The following MFSD11 variants were observed in gnomAD, a reference collection of about 807,000 sequenced individuals.
MFSD11 encodes UNC93-like protein MFSD11.
Under a neutral mutation model 53.5 loss-of-function variants are expected in MFSD11, and 36 were observed. The ratio of observed to expected loss-of-function variants is 0.67; its 90% CI spans 0.52 to 0.89. The LOEUF is 0.89. Ranked by LOEUF, MFSD11 falls within the 40% of genes least tolerant of loss-of-function variation. The pLI, the probability that MFSD11 is intolerant of heterozygous loss-of-function variation, is 0.00. For synonymous variants in MFSD11, 186 were observed against 184.9 expected, an observed-to-expected ratio of 1.01 and a Z score of -0.05; for missense variants, 530 against 543.9, an observed-to-expected ratio of 0.97 and a Z score of 0.25.
At chr17:76,747,019 C>T (rs1430110367) in intron 7 of MFSD11, among the ~76,000 whole-genome samples, 4 of 151,780 alleles carry the variant, frequency 2.6e-5, no homozygotes, top group Non-Finnish European at 4.4e-5. Context: ...AGAGATTCCT[C>T]CTGCCTCAGC....
intron 8 of MFSD11, among the ~76,000 whole-genome samples, chr17:76,755,780 G>GTATACATATATATATATA: frequency 1.5e-5 from 1 of 67,814 alleles, no homozygotes; most frequent in South Asian, 7.4e-4. Flanking sequence ...GTGTGTGTGT[G>GTATACATATATATATATA]TGTGTGTATA....
chr17:76,796,490 G>A, the MFSD11 span, among the ~76,000 whole-genome samples: 128 of 152,186 alleles, frequency 8.4e-4, no homozygotes, highest in South Asian at 0.014. Context: ...ATCTCTGGGG[G>A]TTTCTCTTCC....
chr17:76,760,610 A>G (rs1036305186), intron 8 of MFSD11, among the ~76,000 whole-genome samples: 6 of 151,730 alleles, frequency 4.0e-5, no homozygotes, highest in Non-Finnish European at 8.8e-5. Flanking sequence ...GGCTCACTGC[A>G]ACCTCCACCT....
In MFSD11 at chr17:76,776,496, T is replaced by A; in HGVS notation, c.1140T>A (p.Tyr380Ter). 6.2e-7 allele frequency: 1 copy of A among 1,614,180 alleles called. No homozygotes were observed. The highest frequency in any genetic ancestry group is 8.5e-7 in the Non-Finnish European group (1 of 1,180,032). The change falls in exon 12 of 13, where the codon TAT becomes TAA. Residue 380 changes from tyrosine (Y) to a stop codon, truncating the protein, a stop_gained. Transcript: ENST00000685175. LOFTEE classifies it high-confidence loss of function. This position sits in a 1 kb window ranked among gnomAD's most constrained non-coding sequence, Gnocchi z 4.2. ...TQLLSILGFL[Y>*]SEDSAPAFAI... ...TGCTTAGTATCTTGGGCTTTCTGTATTCTGAAGACAGCGCCCCAGCATTTG... is the reference window on the plus strand; with the variant it reads ...TGCTTAGTATCTTGGGCTTTCTGTAATCTGAAGACAGCGCCCCAGCATTTG...
the MFSD11 span, among the ~76,000 whole-genome samples, chr17:76,800,991 C>T: frequency 2.0e-5 from 3 of 151,632 alleles, no homozygotes; most frequent in Admixed American, 6.6e-5. Flanking sequence ...GCAGGAGAAT[C>T]GCTTGAACCT....
At chr17:76,787,893 G>T in the MFSD11 span, among the ~76,000 whole-genome samples, 1 of 150,054 alleles carries the variant, frequency 6.7e-6, no homozygotes, top group Non-Finnish European at 1.5e-5. Flanking sequence ...AGACTCTGTA[G>T]CAATAAGATA....
intron 8 of MFSD11, among the ~76,000 whole-genome samples, chr17:76,760,294 A>G (rs1408905696): frequency 6.6e-6 from 1 of 151,162 alleles, no homozygotes; most frequent in Admixed American, 6.6e-5. Flanking sequence ...AAAAAAAAAG[A>G]AAATTGTAAG....
chr17:76,802,917 TA>T, the MFSD11 span, among the ~76,000 whole-genome samples: 9 of 152,004 alleles, frequency 5.9e-5, no homozygotes, highest in African/African-American at 9.7e-5. Flanking sequence ...ACCTTAAGAT[TA>T]AGGTGTTATA....
chr17:76,772,132 C>T (rs777773575), intron 10 of MFSD11, among the ~76,000 whole-genome samples: 17 of 151,962 alleles, frequency 1.1e-4, no homozygotes, highest in East Asian at 3.9e-4. Flanking sequence ...TAAGAAATTG[C>T]GAAAATAGGC....
intron 7 of MFSD11, among the ~76,000 whole-genome samples, chr17:76,746,280 A>G (rs983436899): frequency 6.6e-6 from 1 of 152,220 alleles, no homozygotes; most frequent in African/African-American, 2.4e-5. Flanking sequence ...AATCTTTAGA[A>G]GAAAAATTTG....
chr17:76,738,925 A>G lies in MFSD11; in HGVS notation c.97-13A>G. The G allele has an allele frequency of 1.2e-6, 2 of 1,613,214 alleles. No individual in the cohort carries two copies. The highest frequency in any genetic ancestry group is 2.2e-5 in the East Asian group (1 of 44,876). ...CAAAACATTTTCGTTGATTAGTTTT[A>G]TCTTCCACACAGCAAACTGTCATCA... On this transcript the variant is annotated splice_polypyrimidine_tract_variant and intron_variant, in intron 1 of 12. Transcript: ENST00000685175.
At position 76,778,375 on chromosome 17, in the gene MFSD11, G is replaced by A. The variant is rs376771983; in HGVS notation, c.*23G>A. ...TGATCTGGTGTCCGTGAGGGGACAC[G>A]TATGACCTCAGAAACACAGCTGGAC... On this transcript the variant is annotated 3_prime_UTR_variant, in exon 13 of 13. Transcript: ENST00000685175. The A allele has an allele frequency of 1.5e-4, 239 of 1,611,612 alleles. 1 individual carries two copies. The African/African-American group carries it at 1.8e-3, about 12-fold the overall frequency.
At chr17:76,785,036 C>T (rs191092114), downstream of MFSD11, among the ~76,000 whole-genome samples, 45 of 152,344 alleles carry the variant, frequency 3.0e-4, no homozygotes, top group Middle Eastern at 3.4e-3. Flanking sequence ...ACATTCACTG[C>T]AGCATTATTC....
downstream of MFSD11, among the ~76,000 whole-genome samples, chr17:76,785,576 C>T (rs548554145): frequency 9.2e-4 from 140 of 152,106 alleles, no homozygotes; most frequent in Non-Finnish European, 1.3e-3. Context: ...TAGACTCAAG[C>T]GGTCCACCCA....
At chr17:76,781,901 AGCTT>A (rs2082172239), downstream of MFSD11, among the ~76,000 whole-genome samples, 1 of 151,988 alleles carries the variant, frequency 6.6e-6, no homozygotes, top group East Asian at 1.9e-4. Context: ...GGCTCACTGC[AGCTT>A]TGACGTCTTG....
At chr17:76,775,509 G>A (rs1486929622) in intron 11 of MFSD11, among the ~76,000 whole-genome samples, 1 of 152,162 alleles carries the variant, frequency 6.6e-6, no homozygotes, top group Non-Finnish European at 1.5e-5. Flanking sequence ...GAGGAGCGAG[G>A]GAGAACCTGG....
the MFSD11 span, among the ~76,000 whole-genome samples, chr17:76,794,683 T>C: frequency 2.2e-3 from 8 of 3,566 alleles, 1 homozygote; most frequent in African/African-American, 3.9e-3. Context: ...TGTACTCTTT[T>C]TTTTTTTTTT....
intron 7 of MFSD11, among the ~76,000 whole-genome samples, chr17:76,745,783 G>A (rs970556446): frequency 6.6e-5 from 10 of 151,396 alleles, no homozygotes; most frequent in African/African-American, 2.4e-4. Flanking sequence ...GTGAAAGGAA[G>A]ACATGCATGT....
At chr17:76,785,849 G>C (rs2082267550), downstream of MFSD11, among the ~76,000 whole-genome samples, 2 of 151,958 alleles carry the variant, frequency 1.3e-5, no homozygotes, top group Admixed American at 1.3e-4. Context: ...GGGAGGCCAA[G>C]GCAGGTGGAT....
Sources: gnomAD v4.1 joint callset for allele counts (sites outside exome capture counted in the v4.1 genomes callset) on GRCh38, gnomAD v4.1.1 for gene constraint, Gnocchi (gnomAD v3.1) non-coding constraint, MANE v1.5 for transcripts, NCBI Gene and HGNC (gene_info 2026-07-23, HGNC 2026-07-21) for gene names.